FMN2: variants seen among roughly 807,000 people sequenced by gnomAD.
FMN2 encodes formin 2.
A neutral mutation model predicts 142.3 loss-of-function variants in FMN2; 51 were observed. The ratio of observed to expected loss-of-function variants is 0.36; its 90% CI spans 0.29 to 0.45. The LOEUF (loss-of-function observed/expected upper bound fraction) is 0.45. Among genes scored for constraint, FMN2 ranks in the 20% least tolerant of loss-of-function variants. The probability of loss-of-function intolerance (pLI) is 1.00; values close to 1 mark genes in which losing one functional copy is unlikely to be tolerated. For synonymous variants in FMN2, 882 were observed against 869.8 expected, an observed-to-expected ratio of 1.01 and a Z score of -0.25; for missense variants, 1,936 against 2,122.8, an observed-to-expected ratio of 0.91 and a Z score of 1.73.
intron 8 of FMN2, among the ~76,000 whole-genome samples, chr1:240,302,478 A>T (rs775218043): frequency 1.2e-4 from 19 of 152,122 alleles, no homozygotes; most frequent in Non-Finnish European, 1.6e-4. Context: ...TACAAGAAAA[A>T]GTGTGTATTC....
chr1:240,186,728 G>C (rs1351351247), intron 3 of FMN2, among the ~76,000 whole-genome samples: 1 of 152,164 alleles, frequency 6.6e-6, no homozygotes, highest in African/African-American at 2.4e-5. Context: ...GGCCAGGGTG[G>C]CTGGCCTGGT....
At chr1:240,154,400 G>T (rs1663925932) in intron 2 of FMN2, among the ~76,000 whole-genome samples, 1 of 152,140 alleles carries the variant, frequency 6.6e-6, no homozygotes, top group African/African-American at 2.4e-5. Context: ...TTTTCAAGGT[G>T]GAAAAGACAG....
At chr1:240,336,550 CTCCAA>C (rs1470026151) in intron 13 of FMN2, among the ~76,000 whole-genome samples, 3 of 65,588 alleles carry the variant, frequency 4.6e-5, no homozygotes, top group African/African-American at 2.1e-4. Context: ...TCATGGTATT[CTCCAA>C]AAAAAAAAAA....
At chr1:240,206,149 C>T (rs1041190911) in intron 4 of FMN2, among the ~76,000 whole-genome samples, 3 of 152,114 alleles carry the variant, frequency 2.0e-5, no homozygotes, top group East Asian at 1.9e-4. Context: ...AGTGATCCTC[C>T]CACCTCAGCC....
In FMN2 at chr1:240,144,326, G is replaced by A. The variant is rs543031269; in HGVS notation, c.1782+20981G>A. The A allele has an allele frequency of 2.5e-5, 40 of 1,606,716 alleles. No individual in the cohort carries two copies. In the African/African-American group the frequency reaches 5.2e-4, roughly 21 times the overall value. ...CCCAAACCTGTTGTTCTCTAGGTGG[G>A]TTTTGTAGATGTCATCAGGCACCTT... is the stretch of plus-strand genomic sequence containing the variant. On this transcript the variant is annotated intron_variant, in intron 2 of 17. Transcript: ENST00000319653.
intron 1 of FMN2, among the ~76,000 whole-genome samples, chr1:240,120,131 A>T (rs899102611): frequency 1.3e-5 from 2 of 152,220 alleles, no homozygotes; most frequent in Admixed American, 1.3e-4. Flanking sequence ...TGTCACTCGA[A>T]ATATCAAAGG....
chr1:240,232,648 T>A (rs1277593927), intron 6 of FMN2, among the ~76,000 whole-genome samples: 1 of 152,188 alleles, frequency 6.6e-6, no homozygotes, highest in Non-Finnish European at 1.5e-5. Flanking sequence ...CTAGAAAGAA[T>A]CTATAACATA....
Position 240,320,471 on chromosome 1 carries a change from A to G in FMN2, c.4216-8605A>G, listed in dbSNP as rs151179655. ...ACAGAAGACAAATGAGGAAAATTGT[A>G]GCTTCCTCACATATCTGAAAGAGAT... On this transcript the variant is annotated intron_variant, in intron 8 of 17. Coordinates refer to ENST00000319653, the MANE Select transcript of FMN2 (RefSeq NM_020066.5). 3.1e-3 allele frequency among the ~76,000 whole-genome samples: 465 copies of G among 152,342 alleles called. 2 individuals are homozygous for G. Among genetic ancestry groups the G allele is most frequent in the African/African-American group, 0.011 (445 of 41,590 alleles).
In FMN2 at chr1:240,155,057, A is replaced by T. The variant is rs575458957; in HGVS notation, c.1783-22864A>T. Among the ~76,000 whole-genome samples, 3 of 151,748 alleles carry T rather than the reference A, an allele frequency of 2.0e-5. No individual in the cohort carries two copies. The East Asian group carries it at 5.9e-4, about 30-fold the overall frequency. ...AGTTGCACACCACCACACCCTGCTA[A>T]TTTTTGTATTTCTTGTAAAGACAGG... On this transcript the variant is annotated intron_variant, in intron 2 of 17. Transcript: ENST00000319653.
chr1:240,459,718 A>G (rs186131854), intron 16 of FMN2, among the ~76,000 whole-genome samples: 5 of 15,878 alleles, frequency 3.1e-4, no homozygotes, highest in African/African-American at 1.4e-3. Context: ...CTCTGTCTCT[A>G]AAAAAAAAAA....
chr1:240,373,644 C>T (rs181181212), intron 14 of FMN2, among the ~76,000 whole-genome samples: 43 of 152,264 alleles, frequency 2.8e-4, no homozygotes, highest in Admixed American at 2.4e-3. Flanking sequence ...CGATTTGCTG[C>T]GATTTGGTCA....
At chr1:240,369,045 G>A (rs1413069673) in intron 14 of FMN2, among the ~76,000 whole-genome samples, 1 of 151,834 alleles carries the variant, frequency 6.6e-6, no homozygotes, top group Non-Finnish European at 1.5e-5. Context: ...GTGTGTGCAC[G>A]CGCACGCACC....
chr1:240,257,341 C>T (rs1299730850), intron 6 of FMN2, among the ~76,000 whole-genome samples: 1 of 152,126 alleles, frequency 6.6e-6, no homozygotes. Context: ...TTGTATCCCT[C>T]TGTTAATTAG....
intron 16 of FMN2, among the ~76,000 whole-genome samples, chr1:240,464,171 A>G (rs1676537959): frequency 6.6e-6 from 1 of 152,176 alleles, no homozygotes. Context: ...GATGATTTGT[A>G]TGTGTGTACA....
intron 6 of FMN2, among the ~76,000 whole-genome samples, chr1:240,239,946 A>G (rs73115057): frequency 0.031 from 4,768 of 152,210 alleles, 271 homozygotes; most frequent in African/African-American, 0.11. Flanking sequence ...TTTGGTTGTT[A>G]TTTGTTTTTC....
intron 15 of FMN2, among the ~76,000 whole-genome samples, chr1:240,418,020 C>G (rs112523992): frequency 1.3e-5 from 2 of 151,948 alleles, no homozygotes; most frequent in South Asian, 2.1e-4. Flanking sequence ...TGCTTCATCA[C>G]GCTTTCTTTT....
intron 8 of FMN2, among the ~76,000 whole-genome samples, chr1:240,301,967 C>A (rs1357891674): frequency 6.6e-6 from 1 of 151,910 alleles, no homozygotes; most frequent in Non-Finnish European, 1.5e-5. Context: ...TCTGTTCTCC[C>A]AGTTTCTCTC....
chr1:240,370,766 C>G (rs1013361465), intron 14 of FMN2, among the ~76,000 whole-genome samples: 1 of 152,090 alleles, frequency 6.6e-6, no homozygotes, highest in East Asian at 1.9e-4. Context: ...TCCTCATCAC[C>G]GCCATTCTGT....
chr1:240,379,409 A>G (rs1673152956), intron 14 of FMN2, among the ~76,000 whole-genome samples: 3 of 152,208 alleles, frequency 2.0e-5, no homozygotes, highest in Admixed American at 2.0e-4. Context: ...GCTAAAAGTC[A>G]GAAAGCTTAA....
Sources: gnomAD v4.1 joint callset for allele counts (sites outside exome capture counted in the v4.1 genomes callset) on GRCh38, gnomAD v4.1.1 for gene constraint, MANE v1.5 for transcripts, NCBI Gene and HGNC (gene_info 2026-07-23, HGNC 2026-07-21) for gene names.